Variants in MBD2 observed in about 807,000 individuals in gnomAD.
The protein encoded by MBD2 is methyl-CpG binding domain protein 2, also known as methyl-CpG-binding domain protein 2.
In MBD2, 9 loss-of-function variants were observed where a neutral mutation model predicts 39.3. The ratio of observed to expected loss-of-function variants is 0.23; its 90% CI spans 0.14 to 0.40. The LOEUF (loss-of-function observed/expected upper bound fraction) is 0.40. Ranked by LOEUF, MBD2 falls within the 10% of genes least tolerant of loss-of-function variation. MBD2 has a pLI of 1.00. For missense variants in MBD2, 458 were observed against 532.6 expected, an observed-to-expected ratio of 0.86 and a Z score of 1.38; for synonymous variants, 233 against 211.1, an observed-to-expected ratio of 1.10 and a Z score of -0.90.
chr18:54,184,170 A>G (rs926953807), intron 3 of MBD2, among the ~76,000 whole-genome samples: 6 of 152,194 alleles, frequency 3.9e-5, no homozygotes, highest in South Asian at 2.1e-4. Flanking sequence ...AAAGCTATAG[A>G]AAAAGAGTCC....
intron 1 of MBD2, among the ~76,000 whole-genome samples, chr18:54,211,123 G>A (rs936235123): frequency 1.3e-5 from 2 of 151,466 alleles, no homozygotes; most frequent in South Asian, 2.1e-4. Flanking sequence ...CGCCCGCCTC[G>A]GCCTCCCAAA....
intron 1 of MBD2, among the ~76,000 whole-genome samples, chr18:54,210,243 T>C (rs1256566015): frequency 6.6e-6 from 1 of 152,054 alleles, no homozygotes; most frequent in African/African-American, 2.4e-5. Context: ...AAAACATGAA[T>C]TGTATTTTTC....
At chr18:54,214,003 C>CTTT (rs529774043) in intron 1 of MBD2, among the ~76,000 whole-genome samples, 5 of 129,298 alleles carry the variant, frequency 3.9e-5, no homozygotes, top group African/African-American at 1.4e-4. Context: ...TTCTTTCTTT[C>CTTT]TTTTTTTTTT....
At chr18:54,157,319 G>A (rs891848317) in intron 6 of MBD2, among the ~76,000 whole-genome samples, 4 of 151,288 alleles carry the variant, frequency 2.6e-5, no homozygotes, top group African/African-American at 9.7e-5. Context: ...GTAGTGCAGT[G>A]GCGCGATCTC....
intron 6 of MBD2, among the ~76,000 whole-genome samples, 180 bp from the exon 7 acceptor site, chr18:54,155,491 C>T (rs143563105): frequency 6.6e-6 from 1 of 152,310 alleles, no homozygotes; most frequent in African/African-American, 2.4e-5. Flanking sequence ...CATATCCCCT[C>T]ATTGTTTCGT....
chr18:54,159,054 C>T (rs1234716417), intron 6 of MBD2, among the ~76,000 whole-genome samples: 2 of 152,110 alleles, frequency 1.3e-5, no homozygotes, highest in Non-Finnish European at 2.9e-5. Flanking sequence ...GCTTTGCCAC[C>T]ATAATTTTAA....
intron 2 of MBD2, among the ~76,000 whole-genome samples, chr18:54,193,968 A>G (rs2086343816): frequency 6.6e-6 from 1 of 152,172 alleles, no homozygotes; most frequent in African/African-American, 2.4e-5. Context: ...CAACTCAGTA[A>G]AGGTGAGTCT....
intron 2 of MBD2, among the ~76,000 whole-genome samples, chr18:54,201,663 C>T (rs1342484396): frequency 6.6e-6 from 1 of 151,974 alleles, no homozygotes; most frequent in African/African-American, 2.4e-5. Context: ...GAGATCGAGA[C>T]CATCCTGGCT....
intron 1 of MBD2, among the ~76,000 whole-genome samples, chr18:54,222,901 C>T (rs2086627344): frequency 6.6e-6 from 1 of 152,156 alleles, no homozygotes; most frequent in South Asian, 2.1e-4. Flanking sequence ...ATTTTTAGTT[C>T]ATAAGCATGG....
rs776788256 is a variant in MBD2, at chr18:54,222,401, T to G, written c.542+1617A>C. 3 of 513,334 alleles carry G rather than the reference T, an allele frequency of 5.8e-6. No individual in the cohort carries two copies. The East Asian group carries it at 1.6e-4, about 28-fold the overall frequency. The allele number at this position is 513,334 out of a possible 1,614,324, so 31.8% of individuals were successfully genotyped here. ...GCCCCACAGCCTGAGGGAGGACCTG[T>G]GAAAGTGCTCACAATAACTTTCTTA... On this transcript the variant is annotated intron_variant, in intron 1 of 6. Coordinates refer to ENST00000256429, the MANE Select transcript of MBD2 (RefSeq NM_003927.5).
chr18:54,166,530 G>C (rs1337059604), intron 3 of MBD2, among the ~76,000 whole-genome samples: 4 of 152,154 alleles, frequency 2.6e-5, no homozygotes, highest in African/African-American at 9.7e-5. Context: ...TTAAGGAAAA[G>C]AAAACAAATT....
intron 3 of MBD2, among the ~76,000 whole-genome samples, chr18:54,168,973 C>T (rs1193596171): frequency 6.6e-6 from 1 of 152,012 alleles, no homozygotes; most frequent in African/African-American, 2.4e-5. Context: ...TTTTAAAATG[C>T]ATTTTAAAGG....
chr18:54,174,504 T>G (rs187309438), intron 3 of MBD2, among the ~76,000 whole-genome samples: 1 of 151,814 alleles, frequency 6.6e-6, no homozygotes, highest in Non-Finnish European at 1.5e-5. Context: ...GGGTGCCTCT[T>G]TTTTTTTACT....
intron 3 of MBD2, among the ~76,000 whole-genome samples, chr18:54,169,264 T>C (rs1318075014): frequency 6.6e-6 from 1 of 152,202 alleles, no homozygotes; most frequent in Admixed American, 6.5e-5. Flanking sequence ...ATGTGCACTA[T>C]CGCCCTTTCC....
At chr18:54,208,440 C>T (rs1015740013) in intron 1 of MBD2, among the ~76,000 whole-genome samples, 3 of 151,678 alleles carry the variant, frequency 2.0e-5, no homozygotes, top group Non-Finnish European at 2.9e-5. Context: ...TGCGGCAAGC[C>T]GAGATGGCGC....
At chr18:54,218,311 T>C (rs2086579204) in intron 1 of MBD2, among the ~76,000 whole-genome samples, 1 of 152,220 alleles carries the variant, frequency 6.6e-6, no homozygotes, top group African/African-American at 2.4e-5. Context: ...TCCAGGATTA[T>C]TTAAAGCTGG....
intron 3 of MBD2, among the ~76,000 whole-genome samples, chr18:54,185,927 C>A (rs561707498): frequency 6.6e-6 from 1 of 152,050 alleles, no homozygotes; most frequent in African/African-American, 2.4e-5. Context: ...CTAATTTGCA[C>A]TTTTAAAGCT....
intron 1 of MBD2, among the ~76,000 whole-genome samples, chr18:54,209,763 T>C (rs2086485742): frequency 1.3e-5 from 2 of 152,114 alleles, no homozygotes; most frequent in South Asian, 4.1e-4. Flanking sequence ...ATACAGACCA[T>C]CTGTACAGTA....
chr18:54,177,964 C>T (rs1259858), intron 3 of MBD2, among the ~76,000 whole-genome samples: 1 of 151,182 alleles, frequency 6.6e-6, no homozygotes, highest in Non-Finnish European at 1.5e-5. Flanking sequence ...CTCAGCCACC[C>T]GAGTAACTGG....
Sources: gnomAD v4.1 joint callset for allele counts (sites outside exome capture counted in the v4.1 genomes callset) on GRCh38, gnomAD v4.1.1 for gene constraint, MANE v1.5 for transcripts, NCBI Gene and HGNC (gene_info 2026-07-23, HGNC 2026-07-21) for gene names.